Variants in HS1BP3 observed in about 807,000 individuals in gnomAD.
HS1BP3 encodes the protein HCLS1-binding protein 3.
In HS1BP3, 32 loss-of-function variants were observed where a neutral mutation model predicts 33.5. The observed-to-expected ratio is 0.95, with a 90% CI of 0.72 to 1.28. The LOEUF (loss-of-function observed/expected upper bound fraction) is 1.28. HS1BP3 is among the 50% of genes most tolerant of loss of function. The pLI, the probability that HS1BP3 is intolerant of heterozygous loss-of-function variation, is 0.00. For synonymous variants in HS1BP3, 187 were observed against 209.2 expected, an observed-to-expected ratio of 0.89 and a Z score of 0.92; for missense variants, 486 against 502.3, an observed-to-expected ratio of 0.97 and a Z score of 0.31.
chr2:20,604,292 A>G (rs764294444), intron 2 of HS1BP3, among the ~76,000 whole-genome samples: 2 of 152,266 alleles, frequency 1.3e-5, no homozygotes, highest in Middle Eastern at 3.4e-3. Context: ...CAGCTGCAGA[A>G]TCAGTAGCTT....
chr2:20,640,792 G>A (rs1024135370), intron 3 of HS1BP3, 181 bp downstream of exon 3: 2 of 646,556 alleles, frequency 3.1e-6, no homozygotes, highest in Admixed American at 5.6e-5. Flanking sequence ...GTCCCTCAAG[G>A]GTAGGCCTCC....
chr2:20,617,630 C>CTT, downstream of HS1BP3, among the ~76,000 whole-genome samples: 2 of 151,840 alleles, frequency 1.3e-5, no homozygotes, highest in Non-Finnish European at 2.9e-5. Flanking sequence ...TCCCTCAGGG[C>CTT]TGGCTTTGGT....
intron 4 of HS1BP3, among the ~76,000 whole-genome samples, chr2:20,628,272 A>G (rs1287092973): frequency 6.6e-6 from 1 of 152,200 alleles, no homozygotes; most frequent in Non-Finnish European, 1.5e-5. Context: ...CCAGAAGCTC[A>G]TGGCAGAGCA....
intron 4 of HS1BP3, among the ~76,000 whole-genome samples, chr2:20,626,159 A>C (rs1478873580): frequency 2.0e-5 from 3 of 152,182 alleles, no homozygotes; most frequent in African/African-American, 7.2e-5. Flanking sequence ...AATGGCAGAT[A>C]AAAATAGCAG....
At position 20,618,986 on chromosome 2, in the gene HS1BP3, G is replaced by C; in HGVS notation, c.*1C>G. ...CTGGGCCAGGGGCCAGCATGGAAGG[G>C]TCAGAAGAGGCTGGGGGCGGCCTGG... On this transcript the variant is annotated 3_prime_UTR_variant, in exon 7 of 7. Transcript: ENST00000304031. The C allele has an allele frequency of 6.2e-7, 1 of 1,613,122 alleles. No homozygotes were observed. Among genetic ancestry groups the C allele is most frequent in the Non-Finnish European group, 8.5e-7 (1 of 1,179,514 alleles).
At position 20,576,607 on chromosome 2, in the gene HS1BP3, T is replaced by C. The variant is rs960438577; in HGVS notation, c.303-16092A>G. On this transcript the variant is annotated intron_variant, in intron 5 of 5. Coordinates refer to the HS1BP3 transcript ENST00000446825. Reference sequence around the variant, plus strand: ...GGGAACAGGATCGCCTCCCTCATTGTACTGTAAAGTGCCTGGCATATGGCA... The same window carrying C: ...GGGAACAGGATCGCCTCCCTCATTGCACTGTAAAGTGCCTGGCATATGGCA... Among the ~76,000 whole-genome samples, 3 of 152,358 alleles carry C rather than the reference T, an allele frequency of 2.0e-5. No individual in the cohort carries two copies. The East Asian group carries it at 5.8e-4, about 29-fold the overall frequency.
intron 6 of HS1BP3, 98 bp from the exon 7 acceptor site, chr2:20,619,343 C>T (rs188498448): frequency 1.0e-5 from 11 of 1,094,222 alleles, no homozygotes; most frequent in African/African-American, 4.8e-5. Flanking sequence ...GGCTGGGCAG[C>T]GGCAGGGAGC....
chr2:20,645,698 G>C (rs1301145937), intron 1 of HS1BP3, among the ~76,000 whole-genome samples, 193 bp from the exon 2 acceptor site: 1 of 152,196 alleles, frequency 6.6e-6, no homozygotes, highest in East Asian at 1.9e-4. Flanking sequence ...CCCAGGCCTC[G>C]AGGCCTCGGA....
chr2:20,596,503 C>A (rs1693946098), intron 3 of HS1BP3, among the ~76,000 whole-genome samples: 1 of 152,184 alleles, frequency 6.6e-6, no homozygotes, highest in Non-Finnish European at 1.5e-5. Flanking sequence ...GAGAAGACAG[C>A]AATCTGTGAA....
At chr2:20,615,163 G>A (rs941560458), downstream of HS1BP3, among the ~76,000 whole-genome samples, 2 of 152,236 alleles carry the variant, frequency 1.3e-5, no homozygotes, top group East Asian at 1.9e-4. Flanking sequence ...CTTCAGGCAC[G>A]TAGAGGACTT....
chr2:20,564,104 C>T (rs1201543290), intron 5 of HS1BP3, among the ~76,000 whole-genome samples: 1 of 152,218 alleles, frequency 6.6e-6, no homozygotes, highest in East Asian at 1.9e-4. Flanking sequence ...TTGCTCAGCC[C>T]CTCTGGAGGC....
At chr2:20,638,986 C>A (rs751892758) in intron 3 of HS1BP3, among the ~76,000 whole-genome samples, 6 of 152,184 alleles carry the variant, frequency 3.9e-5, no homozygotes, top group African/African-American at 1.2e-4. Flanking sequence ...CTGTGTGCGC[C>A]GCAGGGATGG....
intron 2 of HS1BP3, among the ~76,000 whole-genome samples, chr2:20,642,278 G>A (rs1695377307): frequency 1.3e-5 from 2 of 152,286 alleles, no homozygotes; most frequent in Non-Finnish European, 2.9e-5. Flanking sequence ...TTGGTGCAGG[G>A]TGTGTCTGGA....
intron 5 of HS1BP3, among the ~76,000 whole-genome samples, chr2:20,563,507 A>G (rs1693052667): frequency 6.6e-6 from 1 of 152,190 alleles, no homozygotes; most frequent in Admixed American, 6.5e-5. Flanking sequence ...GAGCTTCTAC[A>G]GGCAAAAGCA....
At chr2:20,614,357 CA>C (rs753583428), downstream of HS1BP3, among the ~76,000 whole-genome samples, 10 of 152,194 alleles carry the variant, frequency 6.6e-5, no homozygotes, top group Non-Finnish European at 1.3e-4. Context: ...GGAAATGGAA[CA>C]AAAGCTGAGC....
At chr2:20,624,092 C>T (rs1474685012) in intron 5 of HS1BP3, 61 bp from the exon 6 acceptor site, 10 of 1,572,530 alleles carry the variant, frequency 6.4e-6, no homozygotes, top group East Asian at 2.3e-5. Context: ...GCCATGGCTG[C>T]TCTCTCTCTG....
At chr2:20,615,162 C>T (rs1270679702), downstream of HS1BP3, among the ~76,000 whole-genome samples, 4 of 152,222 alleles carry the variant, frequency 2.6e-5, no homozygotes, top group African/African-American at 7.2e-5. Context: ...CCTTCAGGCA[C>T]GTAGAGGACT....
chr2:20,617,530 C>T (rs1039199921), downstream of HS1BP3, among the ~76,000 whole-genome samples: 1 of 152,146 alleles, frequency 6.6e-6, no homozygotes, highest in Admixed American at 6.5e-5. Context: ...TGATCAGATG[C>T]AGGACAGAGC....
chr2:20,585,528 G>A (rs138189538), intron 5 of HS1BP3, among the ~76,000 whole-genome samples: 8 of 152,194 alleles, frequency 5.3e-5, no homozygotes, highest in Non-Finnish European at 1.0e-4. Flanking sequence ...CTTGCCCAAG[G>A]TCACACGATT....
Sources: allele counts gnomAD v4.1 joint callset (sites outside exome capture counted in the v4.1 genomes callset), GRCh38; gene constraint gnomAD v4.1.1; transcripts MANE v1.5; gene names NCBI Gene and HGNC (gene_info 2026-07-23, HGNC 2026-07-21).